The following AGBL4 variants were observed in gnomAD, a reference collection of about 807,000 sequenced individuals.
AGBL4 encodes cytosolic carboxypeptidase 6.
Under a neutral mutation model 66.4 loss-of-function variants are expected in AGBL4, and 58 were observed. The ratio of observed to expected loss-of-function variants is 0.87; its 90% confidence interval spans 0.71 to 1.09. The LOEUF (loss-of-function observed/expected upper bound fraction) is 1.09. AGBL4 is among the 50% of genes least tolerant of loss of function. AGBL4 has a pLI of 0.00. For missense variants in AGBL4, 579 were observed against 631.0 expected, an observed-to-expected ratio of 0.92 and a Z score of 0.88; for synonymous variants, 234 against 222.9, an observed-to-expected ratio of 1.05 and a Z score of -0.44.
At chr1:49,783,487 G>T (rs1321619919) in intron 2 of AGBL4, among the ~76,000 whole-genome samples, 1 of 152,094 alleles carries the variant, frequency 6.6e-6, no homozygotes, top group Non-Finnish European at 1.5e-5. Context: ...AACTAGGAAT[G>T]TAAAGGTACT....
intron 6 of AGBL4, among the ~76,000 whole-genome samples, chr1:48,694,225 C>T (rs889698841): frequency 6.6e-6 from 1 of 151,814 alleles, no homozygotes; most frequent in East Asian, 1.9e-4. Context: ...AGCAGAGAAA[C>T]GGTGGTGGGT....
chr1:49,779,741 C>T (rs1644290922), intron 2 of AGBL4, among the ~76,000 whole-genome samples: 1 of 152,026 alleles, frequency 6.6e-6, no homozygotes, highest in Non-Finnish European at 1.5e-5. Context: ...TGAAGCTTGC[C>T]AGGAAAATCC....
intron 9 of AGBL4, among the ~76,000 whole-genome samples, chr1:48,599,492 G>A (rs1645044689): frequency 6.6e-6 from 1 of 152,140 alleles, no homozygotes; most frequent in South Asian, 2.1e-4. Flanking sequence ...TAATCTTATG[G>A]GACCACCATT....
chr1:49,612,414 G>A lies in AGBL4; in HGVS notation c.282+84899C>T, dbSNP rs141986511. Among the ~76,000 whole-genome samples, 38 of 152,058 alleles carry A rather than the reference G, an allele frequency of 2.5e-4. No individual in the cohort carries two copies. The South Asian group carries it at 4.2e-3, about 17-fold the overall frequency. On this transcript the variant is annotated intron_variant, in intron 3 of 13. Coordinates refer to ENST00000371839, the MANE Select transcript of AGBL4 (RefSeq NM_032785.4). The stretch of plus-strand genomic sequence containing the variant: ...AAGAAAATAGTATCACACAGTAGGC[G>A]TCAACTTTTGTTATGAATGAAAAAT...
At chr1:49,407,310 G>A (rs1448324462) in intron 3 of AGBL4, among the ~76,000 whole-genome samples, 1 of 152,142 alleles carries the variant, frequency 6.6e-6, no homozygotes, top group Non-Finnish European at 1.5e-5. Flanking sequence ...TGCCAAGAGG[G>A]CATTGCTTAG....
chr1:48,902,297 A>G (rs768016188), intron 5 of AGBL4, among the ~76,000 whole-genome samples: 1 of 152,208 alleles, frequency 6.6e-6, no homozygotes, highest in Non-Finnish European at 1.5e-5. Context: ...AAAATAAAAA[A>G]CCATAAACTA....
chr1:49,332,055 C>T (rs1645346076), intron 3 of AGBL4, among the ~76,000 whole-genome samples: 1 of 152,184 alleles, frequency 6.6e-6, no homozygotes, highest in Non-Finnish European at 1.5e-5. Context: ...GCTGCTTTGT[C>T]TAGGAGAGAG....
intron 3 of AGBL4, among the ~76,000 whole-genome samples, chr1:49,506,933 C>T (rs1362895291): frequency 6.6e-6 from 1 of 151,968 alleles, no homozygotes; most frequent in Non-Finnish European, 1.5e-5. Flanking sequence ...ATGAACCATA[C>T]CTCCCCATAT....
intron 6 of AGBL4, among the ~76,000 whole-genome samples, chr1:48,718,908 C>A (rs773471850): frequency 6.6e-6 from 1 of 152,178 alleles, no homozygotes; most frequent in Non-Finnish European, 1.5e-5. Context: ...TGTTAGTGAG[C>A]TCCGACTACA....
chr1:48,959,651 G>C lies in AGBL4; in HGVS notation c.594+85933C>G, dbSNP rs115277198. 5.2e-3 allele frequency among the ~76,000 whole-genome samples: 791 copies of C among 152,288 alleles called. 2 individuals carry two copies. Among genetic ancestry groups the C allele is most frequent in the Middle Eastern group, 0.01 (3 of 292 alleles). The stretch of plus-strand genomic sequence containing the variant: ...CTTTCAGCAGGGACATAAAGGGAGA[G>C]AAGGAATCTTTGAGCAGAGACATGA... On this transcript the variant is annotated intron_variant, in intron 5 of 13. Transcript: ENST00000371839.
rs146278117 is a variant in AGBL4, at chr1:49,760,229, G to A, written c.158-62792C>T. ...CAGATGGGTAGATTGCAAAAATTTC[G>A]TCCCATTCTTTAGGTTGCCTGTTCA... On this transcript the variant is annotated intron_variant, in intron 2 of 13. Coordinates refer to ENST00000371839, the MANE Select transcript of AGBL4 (RefSeq NM_032785.4). Among the ~76,000 whole-genome samples, 993 of 152,000 alleles carry A rather than the reference G, an allele frequency of 6.5e-3. 6 individuals carry two copies. The highest frequency in any genetic ancestry group is 0.031 in the Middle Eastern group (9 of 294).
intron 11 of AGBL4, among the ~76,000 whole-genome samples, chr1:48,548,878 C>G (rs1318425499): frequency 6.6e-6 from 1 of 152,134 alleles, no homozygotes; most frequent in African/African-American, 2.4e-5. Flanking sequence ...GGATTGAAAC[C>G]CATTGATTTA....
chr1:49,836,433 T>C (rs1163251761), intron 2 of AGBL4, among the ~76,000 whole-genome samples: 4 of 152,192 alleles, frequency 2.6e-5, no homozygotes, highest in Non-Finnish European at 5.9e-5. Context: ...ATCAGGTCAT[T>C]TATGTTCTTC....
At chr1:49,464,910 C>T (rs1416488864) in intron 3 of AGBL4, among the ~76,000 whole-genome samples, 3 of 151,632 alleles carry the variant, frequency 2.0e-5, no homozygotes, top group Non-Finnish European at 4.4e-5. Context: ...ACAACTACCA[C>T]CCTCTACTCC....
intron 6 of AGBL4, chr1:48,817,855 G>C (rs1469610531): frequency 6.7e-6 from 4 of 600,320 alleles, no homozygotes; most frequent in Non-Finnish European, 8.9e-6. Flanking sequence ...CCCCTTCCCA[G>C]TGTGTGTTTT....
At position 48,925,151 on chromosome 1, in the gene AGBL4, C is replaced by CAT. The variant is rs1180266889; in HGVS notation, c.595-57922_595-57921insAT. 8.1e-4 allele frequency among the ~76,000 whole-genome samples: 55 copies of CAT among 67,764 alleles called. 1 individual carries two copies. In the Admixed American group the frequency reaches 9.1e-3, roughly 11 times the overall value. 44.5% of individuals were successfully genotyped at this position (67,764 alleles called of 152,430 possible). A position where few individuals can be genotyped will look rare whatever the true frequency, so the allele number is the denominator to read the frequency against. ...CCATCTGTATATATATATATACATA[C>CAT]ACACACACACACACACACACACATA... is the stretch of plus-strand genomic sequence containing the variant. On this transcript the variant is annotated intron_variant, in intron 5 of 13. Transcript: ENST00000371839.
Position 49,771,258 on chromosome 1 carries a change from A to G in AGBL4, c.158-73821T>C, listed in dbSNP as rs151258014. On this transcript the variant is annotated intron_variant, in intron 2 of 13. Coordinates refer to ENST00000371839, the MANE Select transcript of AGBL4 (RefSeq NM_032785.4). The stretch of plus-strand genomic sequence containing the variant: ...TACATTTTAATTTATTCATTGGCCC[A>G]TTGGTTATTTGGAGGCACGTTGTTT... Among the ~76,000 whole-genome samples, 30 of 152,038 alleles carry G rather than the reference A, an allele frequency of 2.0e-4. No individual in the cohort carries two copies. In the East Asian group the frequency reaches 5.2e-3, roughly 26 times the overall value.
chr1:49,222,131 C>A (rs1649544033), intron 4 of AGBL4, among the ~76,000 whole-genome samples: 1 of 152,130 alleles, frequency 6.6e-6, no homozygotes, highest in African/African-American at 2.4e-5. Context: ...GCCTTTCTAT[C>A]TGTCTATATA....
chr1:49,139,262 G>T (rs1646070827), intron 4 of AGBL4, among the ~76,000 whole-genome samples: 1 of 152,104 alleles, frequency 6.6e-6, no homozygotes, highest in South Asian at 2.1e-4. Flanking sequence ...CTTTTTAAGT[G>T]CAATAATTCA....
Sources: gnomAD v4.1 joint callset for allele counts (sites outside exome capture counted in the v4.1 genomes callset) on GRCh38, gnomAD v4.1.1 for gene constraint, MANE v1.5 for transcripts, NCBI Gene and HGNC (gene_info 2026-07-23, HGNC 2026-07-21) for gene names.